LDB2: variants seen among roughly 807,000 people sequenced by gnomAD.
The protein encoded by LDB2 is LIM domain-binding protein 2.
In LDB2, 12 loss-of-function variants were observed where a neutral mutation model predicts 44.3. The observed-to-expected ratio is 0.27, with a 90% confidence interval of 0.17 to 0.44. The LOEUF (loss-of-function observed/expected upper bound fraction) is 0.44. Among genes scored for constraint, LDB2 ranks in the 20% least tolerant of loss-of-function variants. LDB2 has a pLI of 1.00. For synonymous variants in LDB2, 164 were observed against 174.8 expected, an observed-to-expected ratio of 0.94 and a Z score of 0.49; for missense variants, 344 against 473.5, an observed-to-expected ratio of 0.73 and a Z score of 2.54.
At chr4:16,559,452 A>T (rs1741168713) in intron 5 of LDB2, among the ~76,000 whole-genome samples, 1 of 152,198 alleles carries the variant, frequency 6.6e-6, no homozygotes, top group Admixed American at 6.5e-5. Flanking sequence ...ACCAACAAAG[A>T]TCAAAAGAGA....
At chr4:16,809,010 A>T (rs1465844651) in intron 1 of LDB2, among the ~76,000 whole-genome samples, 1 of 152,150 alleles carries the variant, frequency 6.6e-6, no homozygotes, top group East Asian at 1.9e-4. Context: ...TAAGCCTAAG[A>T]ATTATATGTC....
chr4:16,784,910 T>TCGACA (rs767963502), intron 1 of LDB2, among the ~76,000 whole-genome samples: 4 of 152,084 alleles, frequency 2.6e-5, no homozygotes, highest in Non-Finnish European at 4.4e-5. Flanking sequence ...GTGTAGACTG[T>TCGACA]CGACACCCCT....
At chr4:16,716,394 G>T (rs1350717559) in intron 2 of LDB2, among the ~76,000 whole-genome samples, 1 of 152,172 alleles carries the variant, frequency 6.6e-6, no homozygotes, top group African/African-American at 2.4e-5. Flanking sequence ...AATTTGTTTA[G>T]GGAACTGTGT....
In LDB2 at chr4:16,674,441, T is replaced by C. The variant is rs563462299; in HGVS notation, c.236-78566A>G. 1.5e-3 allele frequency: 625 copies of C among 424,560 alleles called. 4 individuals are homozygous for C. Among genetic ancestry groups the C allele is most frequent in the South Asian group, 2.9e-3 (165 of 56,712 alleles). The allele number at this position is 424,560 out of a possible 1,614,324, so 26.3% of individuals were successfully genotyped here. A position where few individuals can be genotyped will look rare whatever the true frequency, so the allele number is the denominator to read the frequency against. ...ATAATTCAGGAGCACCCATCATTCA[T>C]TGAGTGTCCACGTATTGGGCTCTAT... On this transcript the variant is annotated intron_variant, in intron 2 of 7. Coordinates refer to ENST00000304523, the MANE Select transcript of LDB2 (RefSeq NM_001290.5).
intron 5 of LDB2, among the ~76,000 whole-genome samples, chr4:16,522,169 T>C (rs999502389): frequency 6.6e-6 from 1 of 152,124 alleles, no homozygotes; most frequent in Non-Finnish European, 1.5e-5. Context: ...TTTAATATGA[T>C]TGGACTATTA....
At chr4:16,629,354 T>C (rs1201690680) in intron 2 of LDB2, among the ~76,000 whole-genome samples, 2 of 152,118 alleles carry the variant, frequency 1.3e-5, no homozygotes, top group African/African-American at 2.4e-5. Context: ...GTAGCCTAAT[T>C]GGGAGACACC....
chr4:16,571,200 G>A (rs1462773150), intron 5 of LDB2, among the ~76,000 whole-genome samples: 2 of 152,170 alleles, frequency 1.3e-5, no homozygotes, highest in Non-Finnish European at 2.9e-5. Flanking sequence ...TTCAGCAAAT[G>A]AATGGTTTTA....
chr4:16,759,161 A>G lies in LDB2; in HGVS notation c.232T>C (p.Tyr78His). 1.9e-6 allele frequency: 3 copies of G among 1,608,884 alleles called. No individual in the cohort carries two copies. The highest frequency in any genetic ancestry group is 2.6e-6 in the Non-Finnish European group (3 of 1,175,216). The change falls in exon 2 of 8, where the codon TAC becomes CAC. Residue 78 changes from tyrosine to histidine, a missense_variant. Coordinates refer to ENST00000304523, the MANE Select transcript of LDB2 (RefSeq NM_001290.5). ...GAAAAATAAACTTCTTTCTTACTGT[A>G]TCGCTTTGGTCCATCTTCCAAACAA... ...SFCLEDGPKR[Y>H]TIGRTLIPRY...
At chr4:16,850,025 A>G (rs1280840000) in intron 1 of LDB2, among the ~76,000 whole-genome samples, 4 of 152,214 alleles carry the variant, frequency 2.6e-5, no homozygotes, top group Admixed American at 1.3e-4. Context: ...TAAACTTTGC[A>G]TCTATGCATT....
At chr4:16,810,760 T>C (rs544016790) in intron 1 of LDB2, among the ~76,000 whole-genome samples, 2 of 149,548 alleles carry the variant, frequency 1.3e-5, no homozygotes, top group South Asian at 4.4e-4. Flanking sequence ...ATCCAGGGGG[T>C]CTATGAACAC....
chr4:16,503,024 T>A, intron 7 of LDB2, 151 bp from the exon 8 acceptor site: 1 of 1,562,424 alleles, frequency 6.4e-7, no homozygotes. Flanking sequence ...CCGAGACGCA[T>A]ATTTGATTTC....
intron 5 of LDB2, among the ~76,000 whole-genome samples, chr4:16,540,550 G>A (rs1272099886): frequency 6.6e-6 from 1 of 151,924 alleles, no homozygotes; most frequent in East Asian, 1.9e-4. Flanking sequence ...AAGCCTCATT[G>A]GACCACTTAG....
chr4:16,827,614 C>T (rs764836788), intron 1 of LDB2, among the ~76,000 whole-genome samples: 34 of 152,110 alleles, frequency 2.2e-4, no homozygotes, highest in Non-Finnish European at 8.8e-5. Flanking sequence ...AATATACATA[C>T]GTGTGTGTGT....
In LDB2 at chr4:16,802,714, C is replaced by T. The variant is rs535220057; in HGVS notation, c.133-43454G>A. Reference sequence around the variant, plus strand: ...TGAATTTTAGCTCCCATAATTCCCACGTGTTGTGGGAGGGACCCAGTGGGA... The same window carrying T: ...TGAATTTTAGCTCCCATAATTCCCATGTGTTGTGGGAGGGACCCAGTGGGA... On this transcript the variant is annotated intron_variant, in intron 1 of 7. Coordinates refer to ENST00000304523, the MANE Select transcript of LDB2 (RefSeq NM_001290.5). Among the ~76,000 whole-genome samples the T allele has an allele frequency of 1.1e-3, 171 of 152,224 alleles. 2 individuals carry two copies. The highest frequency in any genetic ancestry group is 6.8e-3 in the Middle Eastern group (2 of 294).
intron 2 of LDB2, among the ~76,000 whole-genome samples, chr4:16,655,421 A>G (rs1029267958): frequency 2.0e-5 from 3 of 152,186 alleles, no homozygotes; most frequent in Non-Finnish European, 4.4e-5. Context: ...TCTGATGAAG[A>G]GAAATGCTCA....
intron 2 of LDB2, among the ~76,000 whole-genome samples, chr4:16,645,717 C>G (rs1736615710): frequency 6.6e-6 from 1 of 152,092 alleles, no homozygotes; most frequent in Non-Finnish European, 1.5e-5. Context: ...GGATCTTTTT[C>G]TATTTGGCAC....
chr4:16,539,835 C>T (rs1733143931), intron 5 of LDB2, among the ~76,000 whole-genome samples: 1 of 152,122 alleles, frequency 6.6e-6, no homozygotes, highest in African/African-American at 2.4e-5. Context: ...TCCAAGCCAT[C>T]CTTGCAATAA....
At chr4:16,628,165 T>C (rs1730830223) in intron 2 of LDB2, among the ~76,000 whole-genome samples, 1 of 152,200 alleles carries the variant, frequency 6.6e-6, no homozygotes. Context: ...TACCTCTTCT[T>C]TTAACTTCTA....
intron 1 of LDB2, among the ~76,000 whole-genome samples, chr4:16,867,933 A>G (rs1443702951): frequency 6.6e-6 from 1 of 152,202 alleles, no homozygotes; most frequent in Non-Finnish European, 1.5e-5. Context: ...ATCCACTAGC[A>G]TCTGTTGGAG....
Sources: gnomAD v4.1 joint callset for allele counts (sites outside exome capture counted in the v4.1 genomes callset) on GRCh38, gnomAD v4.1.1 for gene constraint, MANE v1.5 for transcripts, NCBI Gene and HGNC (gene_info 2026-07-23, HGNC 2026-07-21) for gene names.